The following TNNI3K variants were observed in gnomAD, a reference collection of about 807,000 sequenced individuals.
TNNI3K encodes the protein TNNI3 interacting kinase.
TNNI3K carries 140 observed loss-of-function variants against 114.5 expected under a neutral mutation model. The observed-to-expected ratio is 1.22, with a 90% confidence interval of 1.07 to 1.41. TNNI3K has a LOEUF of 1.41. Among genes scored for constraint, TNNI3K ranks in the 40% most tolerant of loss-of-function variants. The pLI is 0.00. For synonymous variants in TNNI3K, 347 were observed against 347.5 expected (o/e 1.00, Z 0.02); for missense variants, 1,125 against 1,007.6 (o/e 1.12, Z -1.58).
chr1:74,310,936 C>T (rs1474022924), intron 5 of TNNI3K, among the ~76,000 whole-genome samples: 2 of 152,116 alleles, frequency 1.3e-5, no homozygotes, highest in South Asian at 2.1e-4. Flanking sequence ...GTGCTATAAC[C>T]TCTACTACCT....
intron 9 of TNNI3K, among the ~76,000 whole-genome samples, chr1:74,346,359 C>G (rs1280845538): frequency 6.6e-6 from 1 of 152,132 alleles, no homozygotes; most frequent in Non-Finnish European, 1.5e-5. Flanking sequence ...TCTCAGAACC[C>G]TCCTGAATTT....
rs147469634 is a variant in TNNI3K at position 74,455,764 on chromosome 1, T to G, written c.2012-7677T>G. ...CCCAGAAAAGAGAGCTAATTCACCC[T>G]TCCTCTGCCTCCTCATTCTGTTGGG... On this transcript the variant is annotated intron_variant, in intron 20 of 24. Transcript: ENST00000326637. Among the ~76,000 whole-genome samples the G allele has an allele frequency of 4.4e-3, 671 of 152,296 alleles. 4 individuals are homozygous for G. Among genetic ancestry groups the G allele is most frequent in the Non-Finnish European group, 7.0e-3 (476 of 68,020 alleles).
At chr1:74,461,572 A>G (rs115006922) in intron 20 of TNNI3K, among the ~76,000 whole-genome samples, 227 of 152,284 alleles carry the variant, frequency 1.5e-3, no homozygotes, top group Non-Finnish European at 2.6e-3. Flanking sequence ...AAGTAGTGAC[A>G]TATTTGATAA....
At chr1:74,285,063 T>C (rs1240382014) in intron 5 of TNNI3K, among the ~76,000 whole-genome samples, 2 of 152,204 alleles carry the variant, frequency 1.3e-5, no homozygotes, top group African/African-American at 4.8e-5. Flanking sequence ...TAGTTAGAGG[T>C]GAATATGTTC....
At chr1:74,307,628 G>A (rs747725423) in intron 5 of TNNI3K, among the ~76,000 whole-genome samples, 3 of 152,122 alleles carry the variant, frequency 2.0e-5, no homozygotes, top group African/African-American at 7.2e-5. Flanking sequence ...GAGGGAGCAT[G>A]CTTATTTGTA....
At chr1:74,511,659 A>G (rs768045816) in intron 23 of TNNI3K, among the ~76,000 whole-genome samples, 1 of 151,948 alleles carries the variant, frequency 6.6e-6, no homozygotes, top group Non-Finnish European at 1.5e-5. Flanking sequence ...GTCCTGGGGG[A>G]ATTCACAGTT....
intron 4 of TNNI3K, among the ~76,000 whole-genome samples, chr1:74,270,541 G>A (rs1260154056): frequency 6.6e-6 from 1 of 151,786 alleles, no homozygotes; most frequent in Non-Finnish European, 1.5e-5. Context: ...TTTACTATTT[G>A]TAGCTCTTTA....
At chr1:74,296,617 G>T (rs1570433055) in intron 5 of TNNI3K, among the ~76,000 whole-genome samples, 1 of 151,932 alleles carries the variant, frequency 6.6e-6, no homozygotes. Flanking sequence ...CACATATACT[G>T]GGGGTGTATT....
intron 5 of TNNI3K, among the ~76,000 whole-genome samples, chr1:74,316,278 T>C (rs1328254082): frequency 6.6e-6 from 1 of 152,224 alleles, no homozygotes; most frequent in East Asian, 1.9e-4. Flanking sequence ...AGAGGGTAAC[T>C]TGATCTCCTT....
At chr1:74,440,268 C>T (rs1034883212) in intron 20 of TNNI3K, among the ~76,000 whole-genome samples, 4 of 152,044 alleles carry the variant, frequency 2.6e-5, no homozygotes, top group Non-Finnish European at 5.9e-5. Context: ...GCATCTATCT[C>T]TCAATTGCAT....
intron 21 of TNNI3K, among the ~76,000 whole-genome samples, chr1:74,486,199 TAA>T (rs1491398405): frequency 1.9e-4 from 11 of 57,764 alleles, no homozygotes; most frequent in Non-Finnish European, 3.3e-4. Flanking sequence ...CTAAATGCTA[TAA>T]AGAGAGAGAG....
At chr1:74,454,683 G>A (rs1667159089) in intron 20 of TNNI3K, among the ~76,000 whole-genome samples, 1 of 152,146 alleles carries the variant, frequency 6.6e-6, no homozygotes, top group Non-Finnish European at 1.5e-5. Flanking sequence ...AAACATGGGA[G>A]TGCAGCTATC....
At chr1:74,528,599 G>A (rs766282256) in intron 23 of TNNI3K, among the ~76,000 whole-genome samples, 3 of 152,204 alleles carry the variant, frequency 2.0e-5, no homozygotes, top group Non-Finnish European at 4.4e-5. Flanking sequence ...CTCACTGTCA[G>A]AGAATGGTGT....
Position 74,393,003 on chromosome 1 carries a change from A to C in TNNI3K, c.1772+22611A>C, listed in dbSNP as rs368809796. On this transcript the variant is annotated intron_variant, in intron 17 of 24. Coordinates refer to ENST00000326637, the MANE Select transcript of TNNI3K (RefSeq NM_015978.3). Reference sequence around the variant, plus strand: ...CCTGTGTTCTAAAAGCACCCCAGGCACTGTGAAGACACAGAACATGTGGTA... The same window carrying C: ...CCTGTGTTCTAAAAGCACCCCAGGCCCTGTGAAGACACAGAACATGTGGTA... Among the ~76,000 whole-genome samples the C allele has an allele frequency of 2.0e-5, 3 of 152,342 alleles. No homozygotes were observed. In the East Asian group the frequency reaches 5.8e-4, roughly 29 times the overall value.
chr1:74,421,978 T>G (rs1206328216), intron 17 of TNNI3K, among the ~76,000 whole-genome samples: 1 of 136,708 alleles, frequency 7.3e-6, no homozygotes, highest in Non-Finnish European at 1.5e-5. Flanking sequence ...ATTATTATTA[T>G]TATTATTATT....
chr1:74,246,890 A>G (rs777057966), intron 2 of TNNI3K, among the ~76,000 whole-genome samples: 26 of 152,226 alleles, frequency 1.7e-4, no homozygotes, highest in Non-Finnish European at 1.6e-4. Context: ...CCTCATTCTT[A>G]TAGTTATACC....
At chr1:74,353,165 A>G (rs543687945) in intron 9 of TNNI3K, 101 bp from the exon 10 acceptor site, 12 of 1,213,220 alleles carry the variant, frequency 9.9e-6, no homozygotes, top group Middle Eastern at 2.5e-4. Context: ...TATGGGGGTT[A>G]TAACTTCAGC....
rs1314819376 is a variant in TNNI3K at position 74,480,826 on chromosome 1, C to A, written c.2122-8363C>A. 5 of 717,574 alleles carry A rather than the reference C, an allele frequency of 7.0e-6. No individual in the cohort carries two copies. In the East Asian group the frequency reaches 1.3e-4, roughly 19 times the overall value. 44.5% of individuals were successfully genotyped at this position (717,574 alleles called of 1,614,324 possible). On this transcript the variant is annotated intron_variant, in intron 21 of 24. Coordinates refer to ENST00000326637, the MANE Select transcript of TNNI3K (RefSeq NM_015978.3). ...AGGTCCGCAACATCGTAAGCCCATG[C>A]AGGGCATCTTCCTGAACATCCTCGA...
In TNNI3K at chr1:74,367,237, T is replaced by C. The variant is rs1373660557; in HGVS notation, c.1178-19T>C. ...AAACAAAATTTAGGACTCTTTGTTC[T>C]TTGTATCTTTTCATAAAGGGCATGA... On this transcript the variant is annotated intron_variant, in intron 11 of 24. Coordinates refer to ENST00000326637, the MANE Select transcript of TNNI3K (RefSeq NM_015978.3). 3.1e-6 allele frequency: 5 copies of C among 1,608,726 alleles called. No individual in the cohort carries two copies. The highest frequency in any genetic ancestry group is 4.2e-6 in the Non-Finnish European group (5 of 1,177,570).
Sources: gnomAD v4.1 joint callset for allele counts (sites outside exome capture counted in the v4.1 genomes callset) on GRCh38, gnomAD v4.1.1 for gene constraint, MANE v1.5 for transcripts, NCBI Gene and HGNC (gene_info 2026-07-23, HGNC 2026-07-21) for gene names.